Variants in NRXN3 observed in about 807,000 individuals in gnomAD.
NRXN3 encodes neurexin III.
Under a neutral mutation model 137.6 loss-of-function variants are expected in NRXN3, and 32 were observed. That is an observed-to-expected ratio of 0.23 (90% CI 0.18 to 0.31). NRXN3 has a LOEUF of 0.31. Among genes scored for constraint, NRXN3 ranks in the 10% least tolerant of loss-of-function variants. The pLI is 1.00. For synonymous variants in NRXN3, 798 were observed against 784.5 expected, an observed-to-expected ratio of 1.02 and a Z score of -0.29; for missense variants, 1,574 against 2,062.5, an observed-to-expected ratio of 0.76 and a Z score of 4.59.
At chr14:79,226,918 C>A (rs2070997972) in intron 15 of NRXN3, among the ~76,000 whole-genome samples, 1 of 147,232 alleles carries the variant, frequency 6.8e-6, no homozygotes, top group Non-Finnish European at 1.5e-5. Flanking sequence ...CAGGTTCAAG[C>A]AATTCTCCTT....
intron 15 of NRXN3, among the ~76,000 whole-genome samples, chr14:79,391,670 T>C (rs776823314): frequency 4.6e-5 from 7 of 152,180 alleles, no homozygotes; most frequent in Non-Finnish European, 8.8e-5. Flanking sequence ...TAAAATAGAA[T>C]GGCCAAATAC....
rs2152826349 is a variant in NRXN3, at chr14:78,707,734, G to T, written c.1222-1483G>T. On this transcript the variant is annotated intron_variant, in intron 6 of 20. Coordinates refer to ENST00000335750, the MANE Select transcript of NRXN3 (RefSeq NM_001330195.2). ...ACACCCTTCCCCTCAAGTCCCCAAA[G>T]TCCATGTATCATTCTTATGCCTTTG... 1.3e-5 allele frequency among the ~76,000 whole-genome samples: 2 copies of T among 152,188 alleles called. 1 individual carries two copies. Among genetic ancestry groups the T allele is most frequent in the Middle Eastern group, 6.8e-3 (2 of 294 alleles).
intron 15 of NRXN3, among the ~76,000 whole-genome samples, chr14:79,029,072 AAAAG>A (rs2099603175): frequency 6.6e-6 from 1 of 152,062 alleles, no homozygotes; most frequent in Admixed American, 6.6e-5. Flanking sequence ...GAAATAAAGA[AAAAG>A]AGAGAGAGGA....
chr14:78,969,853 GTGTA>G (rs1213195911), intron 14 of NRXN3, among the ~76,000 whole-genome samples: 21 of 147,288 alleles, frequency 1.4e-4, no homozygotes, highest in African/African-American at 3.7e-4. Context: ...GTGTGTGTGT[GTGTA>G]TAAAGGGACA....
chr14:79,284,339 A>AATAC (rs1277933038), intron 15 of NRXN3, among the ~76,000 whole-genome samples: 75 of 62,510 alleles, frequency 1.2e-3, no homozygotes, highest in African/African-American at 3.8e-3. Flanking sequence ...CTCTACTAAA[A>AATAC]ATACATATAT....
rs558350445 is a variant in NRXN3, at chr14:79,138,085, G to A, written c.3262+149944G>A. ...AAAACAATAAATGATTTTTTAAATG[G>A]CATTACAATGTTCTTTGAATAGGAC... On this transcript the variant is annotated intron_variant, in intron 15 of 20. Coordinates refer to ENST00000335750, the MANE Select transcript of NRXN3 (RefSeq NM_001330195.2). Among the ~76,000 whole-genome samples, 30 of 152,218 alleles carry A rather than the reference G, an allele frequency of 2.0e-4. No individual in the cohort carries two copies. The Middle Eastern group carries it at 0.024, about 122-fold the overall frequency.
chr14:79,251,080 G>A (rs968111880), intron 15 of NRXN3, among the ~76,000 whole-genome samples: 3 of 152,198 alleles, frequency 2.0e-5, no homozygotes, highest in African/African-American at 7.2e-5. Context: ...GACAGGGCTA[G>A]TTTGTAGAGG....
intron 8 of NRXN3, among the ~76,000 whole-genome samples, chr14:78,787,418 G>A (rs1290013788): frequency 6.6e-6 from 1 of 152,098 alleles, no homozygotes; most frequent in African/African-American, 2.4e-5. Context: ...AAAATCAAGA[G>A]TTCAGTTGAC....
chr14:79,360,088 A>G (rs909987014), intron 15 of NRXN3, among the ~76,000 whole-genome samples: 1 of 152,224 alleles, frequency 6.6e-6, no homozygotes, highest in African/African-American at 2.4e-5. Context: ...CTGCAAACAT[A>G]TGTAGTTATT....
At chr14:79,092,734 A>G (rs927608953) in intron 15 of NRXN3, among the ~76,000 whole-genome samples, 45 of 152,292 alleles carry the variant, frequency 3.0e-4, no homozygotes, top group African/African-American at 1.0e-3. Flanking sequence ...GCTTGGTTTT[A>G]TGGCTAAATG....
At chr14:78,723,500 G>A (rs764145314) in intron 8 of NRXN3, among the ~76,000 whole-genome samples, 1 of 152,164 alleles carries the variant, frequency 6.6e-6, no homozygotes, top group Non-Finnish European at 1.5e-5. Flanking sequence ...TAGGAGGAGT[G>A]GGGAGGACTG....
chr14:79,456,517 A>T (rs1035719108), intron 15 of NRXN3, among the ~76,000 whole-genome samples: 54 of 152,306 alleles, frequency 3.5e-4, no homozygotes, highest in African/African-American at 1.3e-3. Flanking sequence ...ACTTGAACCC[A>T]GGAGTTTGAG....
intron 15 of NRXN3, among the ~76,000 whole-genome samples, chr14:79,292,591 C>T (rs1317670658): frequency 6.6e-6 from 1 of 152,206 alleles, no homozygotes; most frequent in Admixed American, 6.5e-5. Context: ...TAAAATACTT[C>T]CTCACCCTTA....
rs562737105 is a variant in NRXN3, at chr14:78,243,862, C to G, written c.709+60C>G. The G allele has an allele frequency of 2.3e-6, 3 of 1,318,660 alleles. No individual in the cohort carries two copies. The African/African-American group carries it at 4.4e-5, about 19-fold the overall frequency. The allele number at this position is 1,318,660 out of a possible 1,614,324, so 81.7% of individuals were successfully genotyped here. ...CCACGGGATGGCTGAGGCTGGGGCT[C>G]CTGATACAAACCAGTTCTATATGGA... On this transcript the variant is annotated intron_variant, in intron 2 of 20. Coordinates refer to ENST00000335750, the MANE Select transcript of NRXN3 (RefSeq NM_001330195.2). The surrounding 1 kb of genome is among the most constrained non-coding windows in gnomAD (Gnocchi z 4.2).
At chr14:78,718,805 T>C (rs1250589269) in intron 8 of NRXN3, among the ~76,000 whole-genome samples, 1 of 152,234 alleles carries the variant, frequency 6.6e-6, no homozygotes, top group African/African-American at 2.4e-5. Flanking sequence ...CTATTCATAG[T>C]GATGTGAGAG....
At chr14:78,986,408 C>T (rs912939955) in intron 14 of NRXN3, among the ~76,000 whole-genome samples, 3 of 151,924 alleles carry the variant, frequency 2.0e-5, no homozygotes, top group Non-Finnish European at 4.4e-5. Context: ...CAGAAAATGT[C>T]AGTAAAAGAG....
chr14:79,845,946 G>A (rs2099368818), intron 20 of NRXN3, among the ~76,000 whole-genome samples: 1 of 152,066 alleles, frequency 6.6e-6, no homozygotes, highest in Non-Finnish European at 1.5e-5. Context: ...GACAGAGACA[G>A]ACAGGGAGAG....
At chr14:78,556,640 C>T (rs556174835) in intron 4 of NRXN3, among the ~76,000 whole-genome samples, 21 of 152,160 alleles carry the variant, frequency 1.4e-4, no homozygotes, top group Non-Finnish European at 2.2e-4. Flanking sequence ...CTGACATGCT[C>T]TCTGGAGATT....
At chr14:79,332,413 C>T (rs1381031933) in intron 15 of NRXN3, among the ~76,000 whole-genome samples, 2 of 152,138 alleles carry the variant, frequency 1.3e-5, no homozygotes, top group Non-Finnish European at 2.9e-5. Context: ...AGTTCCAGTC[C>T]GCAATACGTC....
Sources: gnomAD v4.1 joint callset for allele counts (sites outside exome capture counted in the v4.1 genomes callset) on GRCh38, gnomAD v4.1.1 for gene constraint, Gnocchi (gnomAD v3.1) non-coding constraint, MANE v1.5 for transcripts, NCBI Gene and HGNC (gene_info 2026-07-23, HGNC 2026-07-21) for gene names.